The following HLA-DPA1 variants were observed in gnomAD, a reference collection of about 807,000 sequenced individuals.
The protein encoded by HLA-DPA1 is major histocompatibility complex, class II, DP alpha 1.
Under a neutral mutation model 21.5 loss-of-function variants are expected in HLA-DPA1, and 20 were observed. The ratio of observed to expected loss-of-function variants is 0.93; its 90% CI spans 0.66 to 1.35. The LOEUF is 1.35. Among genes scored for constraint, HLA-DPA1 ranks in the 40% most tolerant of loss-of-function variants. The pLI, the probability that HLA-DPA1 is intolerant of heterozygous loss-of-function variation, is 0.00. For synonymous variants in HLA-DPA1, 123 were observed against 129.6 expected, an observed-to-expected ratio of 0.95 and a Z score of 0.35; for missense variants, 279 against 323.0, an observed-to-expected ratio of 0.86 and a Z score of 1.05.
intron 3 of HLA-DPA1, 145 bp from the exon 3 acceptor site, chr6:33,069,445 G>C (rs992637289): frequency 5.9e-5 from 60 of 1,025,170 alleles, no homozygotes; most frequent in African/African-American, 5.2e-4. Flanking sequence ...CCACTGACCA[G>C]CCTCACTCTG....
rs774984431 is a variant in HLA-DPA1, at chr6:33,080,472, C to G, written c.-100+208G>C. ...GCTCATTCTTTTCAGTAAATTCTCT[C>G]TCTGCGTGGTGAGAAAACAGGCCTG... On this transcript the variant is annotated intron_variant, in intron 1 of 5. Transcript: ENST00000419277. This position sits in a 1 kb window ranked among gnomAD's most constrained non-coding sequence, Gnocchi z 4.3. 54 of 765,780 alleles carry G rather than the reference C, an allele frequency of 7.1e-5. 1 individual carries two copies. The Middle Eastern group carries it at 9.2e-4, about 13-fold the overall frequency. The allele number at this position is 765,780 out of a possible 1,614,324, so 47.4% of individuals were successfully genotyped here.
chr6:33,070,397 T>C (rs1762221093), intron 2 of HLA-DPA1, among the ~76,000 whole-genome samples: 1 of 152,184 alleles, frequency 6.6e-6, no homozygotes, highest in Non-Finnish European at 1.5e-5. Flanking sequence ...TCTCTCCCAT[T>C]AAGATCTTAA....
chr6:33,071,197 T>C (rs905826538), intron 2 of HLA-DPA1, among the ~76,000 whole-genome samples: 7 of 151,262 alleles, frequency 4.6e-5, no homozygotes, highest in Non-Finnish European at 1.5e-5. Flanking sequence ...GTCTAGAGGG[T>C]ATGACCTGTG....
At position 33,080,633 on chromosome 6, in the gene HLA-DPA1, A is replaced by G; in HGVS notation, c.-100+47T>C. On this transcript the variant is annotated intron_variant, in intron 1 of 5. Coordinates refer to ENST00000419277, the Ensembl canonical transcript of HLA-DPA1. This position sits in a 1 kb window ranked among gnomAD's most constrained non-coding sequence, Gnocchi z 4.3. ...AGAGAGGGAGAAAGAGGATTAGATGAGAGTGGCGCCTCCGCTCATGTCCGC... is the reference window on the plus strand; with the variant it reads ...AGAGAGGGAGAAAGAGGATTAGATGGGAGTGGCGCCTCCGCTCATGTCCGC... 1 of 1,611,106 alleles carries G rather than the reference A, an allele frequency of 6.2e-7. No individual in the cohort carries two copies. Among genetic ancestry groups the G allele is most frequent in the Non-Finnish European group, 8.5e-7 (1 of 1,178,318 alleles).
chr6:33,078,306 C>T (rs2856820), intron 1 of HLA-DPA1, among the ~76,000 whole-genome samples: 42,740 of 151,738 alleles, frequency 0.28, 6,324 homozygotes, highest in Admixed American at 0.38. Flanking sequence ...CAATCAAAAC[C>T]TGCTGGAGGG....
chr6:33,069,246 T>A, exon 4 of HLA-DPA1: 1 of 1,612,962 alleles, frequency 6.2e-7, no homozygotes, highest in Non-Finnish European at 8.5e-7. Context: ...GATGAGGGTG[T>A]TGGGCTGGCC....
intron 3 of HLA-DPA1, 162 bp downstream of exon 2, chr6:33,069,479 G>A: frequency 9.3e-7 from 1 of 1,070,538 alleles, no homozygotes; most frequent in South Asian, 1.5e-5. Flanking sequence ...CTCCTGAGAA[G>A]AGAGGATGCA....
In HLA-DPA1 at chr6:33,074,704, T is replaced by TTTAAACCTCATA. The variant is rs1478893724; in HGVS notation, c.-99-1047_-99-1036dup. ...TTAGTGCTTTGCATGCATTACCTCATTTAAACCTCATATTAAACCTGAGGG... is the reference window on the plus strand; with the variant it reads ...TTAGTGCTTTGCATGCATTACCTCATTTAAACCTCATATTAAACCTCATATTAAACCTGAGGG... On this transcript the variant is annotated intron_variant, in intron 1 of 5. Transcript: ENST00000419277. Among the ~76,000 whole-genome samples, 3 of 152,202 alleles carry TTTAAACCTCATA rather than the reference T, an allele frequency of 2.0e-5. No individual in the cohort carries two copies. In the East Asian group the frequency reaches 5.8e-4, roughly 29 times the overall value.
chr6:33,066,768 A>C (rs1761978448), intron 5 of HLA-DPA1: 1 of 152,268 alleles, frequency 6.6e-6, no homozygotes, highest in South Asian at 2.1e-4. Flanking sequence ...GAATGTGAAC[A>C]GGCAATTTAT....
chr6:33,071,873 G>T (rs913187544), intron 2 of HLA-DPA1, among the ~76,000 whole-genome samples: 9 of 152,194 alleles, frequency 5.9e-5, no homozygotes, highest in Non-Finnish European at 1.0e-4. Context: ...GCACTTAGAA[G>T]ACCTGAAAGT....
chr6:33,078,351 C>G (rs1382090159), intron 1 of HLA-DPA1, among the ~76,000 whole-genome samples: 1 of 152,090 alleles, frequency 6.6e-6, no homozygotes, highest in Non-Finnish European at 1.5e-5. Context: ...GTAAAGTGGG[C>G]AGGGCTGATT....
At chr6:33,068,324 A>C in intron 5 of HLA-DPA1, 1 of 241,580 alleles carries the variant, frequency 4.1e-6, no homozygotes, top group East Asian at 9.5e-5. Flanking sequence ...CTACTACTTC[A>C]TAGCTGTGGG....
intron 1 of HLA-DPA1, among the ~76,000 whole-genome samples, chr6:33,077,179 T>C (rs6934289): frequency 0.13 from 20,027 of 151,276 alleles, 1,630 homozygotes; most frequent in Admixed American, 0.25. Flanking sequence ...CTTTGGTTTT[T>C]TGTCCTTGCA....
exon 3 of HLA-DPA1, chr6:33,069,849 C>G (rs1042174): frequency 0.17 from 273,046 of 1,584,816 alleles, 40,526 homozygotes; most frequent in East Asian, 0.63. Context: ...TTGGTCTATG[C>G]GTCTGTACAA....
intron 1 of HLA-DPA1, among the ~76,000 whole-genome samples, chr6:33,078,346 G>A (rs1157449309): frequency 3.3e-5 from 5 of 152,140 alleles, no homozygotes; most frequent in African/African-American, 1.2e-4. Context: ...AGTGGGTAAA[G>A]TGGGCAGGGC....
At chr6:33,067,189 G>A (rs994400979) in intron 5 of HLA-DPA1, 1 of 152,118 alleles carries the variant, frequency 6.6e-6, no homozygotes, top group Non-Finnish European at 1.5e-5. Flanking sequence ...GTAGATATGT[G>A]GATTAATATG....
At position 33,073,492 on chromosome 6, in the gene HLA-DPA1, G is replaced by A. The variant is rs1198838561; in HGVS notation, c.79C>T (p.Arg27Ter). The A allele has an allele frequency of 5.1e-5, 82 of 1,612,376 alleles. No individual in the cohort carries two copies. Among genetic ancestry groups the A allele is most frequent in the Non-Finnish European group, 6.5e-5 (77 of 1,179,562 alleles). ...TCACCCTTGATGGCCCCAGCTCCTC[G>A]GAGACTCAGCAGGAAAGCCAAGGAG... is the stretch of plus-strand genomic sequence containing the variant. Residue 27 changes from arginine to a stop codon, truncating the protein, a stop_gained, in exon 2 of 6, where the codon CGA becomes TGA. Transcript: ENST00000419277. LOFTEE classifies it high-confidence loss of function.
chr6:33,077,975 C>T (rs1762633352), intron 1 of HLA-DPA1, among the ~76,000 whole-genome samples: 1 of 152,144 alleles, frequency 6.6e-6, no homozygotes, highest in African/African-American at 2.4e-5. Flanking sequence ...GCCCTGGGAA[C>T]TGCAGAGGGG....
chr6:33,080,603 G>A lies in HLA-DPA1; in HGVS notation c.-100+77C>T, dbSNP rs3128959. 0.1 allele frequency: 156,854 copies of A among 1,575,494 alleles called. 8,833 individuals carry two copies. Among genetic ancestry groups the A allele is most frequent in the Non-Finnish European group, 0.11 (130,769 of 1,147,782 alleles). On this transcript the variant is annotated intron_variant, in intron 1 of 5. Coordinates refer to ENST00000419277, the Ensembl canonical transcript of HLA-DPA1. This position sits in a 1 kb window ranked among gnomAD's most constrained non-coding sequence, Gnocchi z 4.3. Reference sequence around the variant, plus strand: ...AGATTTGGGAAGAATCGTTAATATTGAGAGAGAGAGGGAGAAAGAGGATTA... The same window carrying A: ...AGATTTGGGAAGAATCGTTAATATTAAGAGAGAGAGGGAGAAAGAGGATTA...
Sources: allele counts gnomAD v4.1 joint callset (sites outside exome capture counted in the v4.1 genomes callset), GRCh38; gene constraint gnomAD v4.1.1; non-coding constraint Gnocchi (gnomAD v3.1); transcripts MANE v1.5; gene names NCBI Gene and HGNC (gene_info 2026-07-23, HGNC 2026-07-21).